Variants in NSMCE4A observed in about 807,000 individuals in gnomAD.
The protein encoded by NSMCE4A is NSE4A component of SMC5/6 complex.
NSMCE4A carries 40 observed loss-of-function variants against 47.9 expected under a neutral mutation model. The observed-to-expected ratio is 0.83, with a 90% CI of 0.65 to 1.09. The LOEUF (loss-of-function observed/expected upper bound fraction) is 1.09, where lower values mean the gene tolerates loss of function less well. Among genes scored for constraint, NSMCE4A ranks in the 50% least tolerant of loss-of-function variants. The pLI is 0.00. For synonymous variants in NSMCE4A, 166 were observed against 178.5 expected (o/e 0.93, Z 0.56); for missense variants, 500 against 507.0 (o/e 0.99, Z 0.13).
At position 121,974,868 on chromosome 10, in the gene NSMCE4A, C is replaced by G. The variant is rs761957296; in HGVS notation, c.292+6G>C. The G allele has an allele frequency of 2.2e-5, 33 of 1,476,582 alleles. 1 individual carries two copies. The South Asian group carries it at 4.2e-4, about 19-fold the overall frequency. The allele number at this position is 1,476,582 out of a possible 1,614,324, so 91.5% of individuals were successfully genotyped here. The stretch of plus-strand genomic sequence containing the variant: ...GGGCCCGCGCCGCCCGGAGGCGCCG[C>G]CTTACGTTGGACGGAGTTGATGAGC... On this transcript the variant is annotated splice_donor_region_variant and intron_variant, in intron 1 of 10. Coordinates refer to ENST00000369023, the MANE Select transcript of NSMCE4A (RefSeq NM_017615.3).
At chr10:121,973,297 C>T (rs765455483) in intron 2 of NSMCE4A, among the ~76,000 whole-genome samples, 25 of 151,970 alleles carry the variant, frequency 1.6e-4, no homozygotes, top group African/African-American at 6.0e-4. Context: ...CCCACAGACC[C>T]GTCAGAGAGG....
chr10:121,973,362 C>T (rs1443189074), intron 2 of NSMCE4A, among the ~76,000 whole-genome samples: 1 of 152,260 alleles, frequency 6.6e-6, no homozygotes, highest in Non-Finnish European at 1.5e-5. Context: ...ACCAAGTACC[C>T]ACATCAGGGA....
Position 121,960,285 on chromosome 10 carries a change from A to G in NSMCE4A, c.988+73T>C. ...CTACATTGAAAATTCATTTACATTT[A>G]GTAAAATACTTAAATTCTACTAACA... On this transcript the variant is annotated intron_variant, in intron 8 of 10. Transcript: ENST00000369023. The surrounding 1 kb of genome is among the most constrained non-coding windows in gnomAD (Gnocchi z 4.2). The G allele has an allele frequency of 2.1e-6, 2 of 961,112 alleles. No homozygotes were observed. The highest frequency in any genetic ancestry group is 3.3e-5 in the East Asian group (1 of 30,734). The allele number at this position is 961,112 out of a possible 1,614,324, so 59.5% of individuals were successfully genotyped here. A position where few individuals can be genotyped will look rare whatever the true frequency, so the allele number is the denominator to read the frequency against.
chr10:121,971,145 T>C (rs1952701002), intron 2 of NSMCE4A, 76 bp from the exon 3 acceptor site: 1 of 1,235,260 alleles, frequency 8.1e-7, no homozygotes, highest in Admixed American at 2.4e-5. Context: ...CATTTCCAAC[T>C]ACTTACCAGG....
Position 121,974,956 on chromosome 10 carries a change from C to A in NSMCE4A, c.210G>T (p.Pro70=). The change falls in exon 1 of 11, where the codon CCG becomes CCT. Residue 70 remains proline (P), a synonymous_variant. Transcript: ENST00000369023. The part of the protein sequence containing the change: ...PSDSGDEMMD[P]ASLEAEADQG... Reference sequence around the variant, plus strand: ...GGTCGGCCTCCGCCTCCAAGCTGGCCGGGTCCATCATCTCGTCCCCGGAAT... The same window carrying A: ...GGTCGGCCTCCGCCTCCAAGCTGGCAGGGTCCATCATCTCGTCCCCGGAAT... 6.5e-7 allele frequency: 1 copy of A among 1,532,920 alleles called. No homozygotes were observed. Among genetic ancestry groups the A allele is most frequent in the East Asian group, 2.7e-5 (1 of 37,120 alleles). 95.0% of individuals were successfully genotyped at this position (1,532,920 alleles called of 1,614,324 possible).
At chr10:121,958,300 A>G (rs1486962255) in intron 10 of NSMCE4A, among the ~76,000 whole-genome samples, 2 of 152,150 alleles carry the variant, frequency 1.3e-5, no homozygotes, top group Non-Finnish European at 2.9e-5. Context: ...AAAAATAAAT[A>G]AATAAAGTAA....
chr10:121,961,402 A>G, intron 7 of NSMCE4A, 21 bp downstream of exon 7: 1 of 1,505,974 alleles, frequency 6.6e-7, no homozygotes, highest in Non-Finnish European at 9.0e-7. Flanking sequence ...AAGCAATTAG[A>G]AAAATAATCT....
At chr10:121,966,085 A>T (rs535291364) in intron 4 of NSMCE4A, 5 of 152,296 alleles carry the variant, frequency 3.3e-5, no homozygotes, top group African/African-American at 9.6e-5. Context: ...GGAGCAGTAT[A>T]AAAAAATAAA....
intron 5 of NSMCE4A, among the ~76,000 whole-genome samples, chr10:121,964,910 A>G (rs1952577412): frequency 6.6e-6 from 1 of 152,178 alleles, no homozygotes; most frequent in African/African-American, 2.4e-5. Context: ...TGTCACATGT[A>G]GACATTTTTG....
intron 5 of NSMCE4A, among the ~76,000 whole-genome samples, chr10:121,963,804 C>T (rs1208113484): frequency 6.6e-6 from 1 of 151,880 alleles, no homozygotes; most frequent in Non-Finnish European, 1.5e-5. Context: ...GGCATGAACC[C>T]GGGAGGCGGA....
At chr10:121,966,030 C>T (rs1299702994) in intron 4 of NSMCE4A, 2 of 152,142 alleles carry the variant, frequency 1.3e-5, no homozygotes, top group African/African-American at 2.4e-5. Flanking sequence ...AGATCCATTT[C>T]AATATAACAT....
rs1414088199 is a variant in NSMCE4A, at chr10:121,975,007, C to T, written c.159G>A (p.Pro53=). Residue 53 remains proline, a synonymous_variant, in exon 1 of 11, where the codon CCG becomes CCA. Coordinates refer to ENST00000369023, the MANE Select transcript of NSMCE4A (RefSeq NM_017615.3). ...CCGACGGCTCTGTGTCCTCCAGGCT[C>T]GGGCGCTCTGGGGCCTCTCTGCGCT... ...ARERREAPER[P]SLEDTEPSDS... 12 of 1,508,834 alleles carry T rather than the reference C, an allele frequency of 8.0e-6. No individual in the cohort carries two copies. The South Asian group carries it at 8.7e-5, about 11-fold the overall frequency. 93.5% of individuals were successfully genotyped at this position (1,508,834 alleles called of 1,614,324 possible). A position where few individuals can be genotyped will look rare whatever the true frequency, so the allele number is the denominator to read the frequency against.
chr10:121,972,812 C>T (rs73366467), intron 2 of NSMCE4A, among the ~76,000 whole-genome samples: 5,207 of 152,170 alleles, frequency 0.034, 324 homozygotes, highest in African/African-American at 0.12. Context: ...ATGCGGTAGA[C>T]TAAGATGGGG....
chr10:121,959,410 C>T lies in NSMCE4A; in HGVS notation c.1084G>A (p.Glu362Lys). Reference sequence around the variant, plus strand: ...GAAATCTCAAAGGTCTTCACAATCTCCTGGCAGACAATAATGAACATTTAG... The same window carrying T: ...GAAATCTCAAAGGTCTTCACAATCTTCTGGCAGACAATAATGAACATTTAG... ...IIALSYRDWE[E>K]IVKTFEISEP... Residue 362 changes from glutamate (E) to lysine (K), a missense_variant and splice_region_variant, in exon 10 of 11, where the codon GAG becomes AAG. Coordinates refer to ENST00000369023, the MANE Select transcript of NSMCE4A (RefSeq NM_017615.3). The T allele has an allele frequency of 6.2e-7, 1 of 1,614,178 alleles. No individual in the cohort carries two copies. Among genetic ancestry groups the T allele is most frequent in the Non-Finnish European group, 8.5e-7 (1 of 1,180,024 alleles).
rs1055596106 is a variant in NSMCE4A at position 121,974,771 on chromosome 10, G to GGCCTCCGCCCGGCACCT, written c.292+86_292+102dup. The GGCCTCCGCCCGGCACCT allele has an allele frequency of 4.5e-5, 53 of 1,182,688 alleles. No homozygotes were observed. In the East Asian group the frequency reaches 1.2e-3, roughly 28 times the overall value. 73.3% of individuals were successfully genotyped at this position (1,182,688 alleles called of 1,614,324 possible). A position where few individuals can be genotyped will look rare whatever the true frequency, so the allele number is the denominator to read the frequency against. ...GCGCGTCTCTACTAACGCCGCGCCG[G>GGCCTCCGCCCGGCACCT]GCCTCCGCCCGGCACCTGCCTCCGG... On this transcript the variant is annotated intron_variant, in intron 1 of 10. Transcript: ENST00000369023.
At chr10:121,961,213 CTAAA>C (rs748441821) in intron 7 of NSMCE4A, among the ~76,000 whole-genome samples, 27 of 152,266 alleles carry the variant, frequency 1.8e-4, no homozygotes, top group Non-Finnish European at 2.9e-4. Flanking sequence ...AATTCTTTCT[CTAAA>C]TAATTTCTAA....
intron 10 of NSMCE4A, among the ~76,000 whole-genome samples, chr10:121,958,962 A>T (rs564109783): frequency 7.2e-5 from 11 of 152,158 alleles, no homozygotes; most frequent in Admixed American, 5.9e-4. Flanking sequence ...TTACAGGTGC[A>T]TGCCACCACG....
At chr10:121,972,902 C>T (rs748994035) in intron 2 of NSMCE4A, among the ~76,000 whole-genome samples, 2 of 152,138 alleles carry the variant, frequency 1.3e-5, no homozygotes, top group Non-Finnish European at 2.9e-5. Flanking sequence ...AACTAGTCAT[C>T]CTCAGCAATG....
At chr10:121,972,435 C>T (rs948418387) in intron 2 of NSMCE4A, among the ~76,000 whole-genome samples, 1 of 152,176 alleles carries the variant, frequency 6.6e-6, no homozygotes, top group African/African-American at 2.4e-5. Context: ...CCTGTGCCTG[C>T]CTGCCCCACT....
Sources: allele counts gnomAD v4.1 joint callset (sites outside exome capture counted in the v4.1 genomes callset), GRCh38; gene constraint gnomAD v4.1.1; non-coding constraint Gnocchi (gnomAD v3.1); transcripts MANE v1.5; gene names NCBI Gene and HGNC (gene_info 2026-07-23, HGNC 2026-07-21).